Variants in GIN1 observed in about 807,000 individuals in gnomAD.
GIN1 encodes gypsy retrotransposon integrase 1.
In GIN1, 41 loss-of-function variants were observed where a neutral mutation model predicts 51.4. The observed-to-expected ratio is 0.80, with a 90% CI of 0.62 to 1.04. The LOEUF (loss-of-function observed/expected upper bound fraction) is 1.04. Among genes scored for constraint, GIN1 ranks in the 50% least tolerant of loss-of-function variants. The pLI is 0.00. For synonymous variants in GIN1, 222 were observed against 206.5 expected (o/e 1.07, Z -0.64); for missense variants, 610 against 612.4 (o/e 1.00, Z 0.04).
Position 103,106,755 on chromosome 5 carries a change from A to C in GIN1, c.294T>G (p.Asn98Lys), listed in dbSNP as rs1554196304. The C allele has an allele frequency of 6.2e-7, 1 of 1,601,212 alleles. No individual in the cohort carries two copies. The highest frequency in any genetic ancestry group is 8.5e-7 in the Non-Finnish European group (1 of 1,174,160). ...CATTGGTCACAGATGTCCAATAATA[A>C]TTGGATTCTACCAGAGTGAGGGTCC... ...ISRTLTLVES[N>K]YYWTSVTNDV... is the part of the protein sequence containing the mutation. Residue 98 changes from asparagine to lysine, a missense_variant, in exon 3 of 8, where the codon AAT becomes AAG. By Grantham distance (94) the Asn-to-Lys change is moderately conservative (BLOSUM62 0). Coordinates refer to ENST00000399004, the MANE Select transcript of GIN1 (RefSeq NM_017676.2).
At chr5:103,115,449 A>G (rs1554197296) in intron 1 of GIN1, among the ~76,000 whole-genome samples, 1 of 152,180 alleles carries the variant, frequency 6.6e-6, no homozygotes. Flanking sequence ...GATTCCACCT[A>G]TATGAGGTAG....
At chr5:103,088,261 C>A in intron 7 of GIN1, 89 bp from the exon 8 acceptor site, 1 of 699,102 alleles carries the variant, frequency 1.4e-6, no homozygotes, top group Non-Finnish European at 2.2e-6. Flanking sequence ...GAACAAAATC[C>A]CAAGTAATAA....
chr5:103,115,706 A>C (rs1788012936), intron 1 of GIN1, among the ~76,000 whole-genome samples: 1 of 152,120 alleles, frequency 6.6e-6, no homozygotes, highest in African/African-American at 2.4e-5. Context: ...GATTTACTAC[A>C]ATTAAAACAA....
intron 1 of GIN1, among the ~76,000 whole-genome samples, chr5:103,118,722 T>C (rs960261399): frequency 1.1e-5 from 1 of 88,350 alleles, no homozygotes; most frequent in Non-Finnish European, 2.9e-5. Flanking sequence ...TTGGTATTCA[T>C]ATACAAAAGT....
rs1787131645 is a variant in GIN1 at position 103,088,127 on chromosome 5, T to A, written c.1340A>T (p.Tyr447Phe). ...AATCGGAATTTCAGGCAATCCAATGTAGTCATGATCTGCCACTACTGAACC... is the reference window on the plus strand; with the variant it reads ...AATCGGAATTTCAGGCAATCCAATGAAGTCATGATCTGCCACTACTGAACC... ...LQGSVVADHD[Y>F]IGLPEIPIGA... The change falls in exon 8 of 8, where the codon TAC becomes TTC. Residue 447 changes from tyrosine (Y) to phenylalanine (F), a missense_variant. By Grantham distance (22) the Tyr-to-Phe change is conservative (BLOSUM62 3). Transcript: ENST00000399004. 2 of 1,607,966 alleles carry A rather than the reference T, an allele frequency of 1.2e-6. No homozygotes were observed. Among genetic ancestry groups the A allele is most frequent in the African/African-American group, 2.7e-5 (2 of 74,806 alleles).
intron 7 of GIN1, among the ~76,000 whole-genome samples, chr5:103,095,866 G>A (rs1252040390): frequency 1.3e-5 from 2 of 152,094 alleles, no homozygotes; most frequent in Non-Finnish European, 2.9e-5. Context: ...AGAAGTTGCA[G>A]TGAGCTGAGA....
intron 7 of GIN1, among the ~76,000 whole-genome samples, chr5:103,096,305 A>G (rs1293927950): frequency 1.3e-5 from 2 of 152,008 alleles, no homozygotes; most frequent in African/African-American, 4.8e-5. Context: ...GCGCCATTGC[A>G]CTCCAGCTTG....
intron 7 of GIN1, among the ~76,000 whole-genome samples, chr5:103,092,772 C>T (rs568381530): frequency 2.4e-4 from 37 of 151,202 alleles, no homozygotes; most frequent in African/African-American, 8.7e-4. Context: ...ATAGTAAGAC[C>T]CTGTCTCTAT....
chr5:103,106,834 T>C lies in GIN1; in HGVS notation c.215A>G (p.Lys72Arg). 2.5e-6 allele frequency: 4 copies of C among 1,603,688 alleles called. No homozygotes were observed. The highest frequency in any genetic ancestry group is 3.4e-6 in the Non-Finnish European group (4 of 1,173,894). ...ATTTTCATGGCATTCTCTTAAGACT[T>C]TCTTTTTTTCCTCTTCTGAAACAAT... Reference protein sequence around the residue: ...LVIVSEEEKKKVLRECHENDS... With the variant: ...LVIVSEEEKKRVLRECHENDS... The change falls in exon 3 of 8, where the codon AAA becomes AGA. Residue 72 changes from lysine to arginine, a missense_variant. Transcript: ENST00000399004.
chr5:103,112,335 G>C (rs1183868450), intron 1 of GIN1, among the ~76,000 whole-genome samples: 9 of 152,102 alleles, frequency 5.9e-5, no homozygotes, highest in Non-Finnish European at 1.0e-4. Context: ...AGACTTAAAG[G>C]TGTAGTTATT....
intron 1 of GIN1, among the ~76,000 whole-genome samples, chr5:103,117,135 A>T (rs782658219): frequency 6.6e-5 from 10 of 152,118 alleles, no homozygotes; most frequent in Non-Finnish European, 1.3e-4. Flanking sequence ...ACCTGAAAAC[A>T]AATGTTCATC....
chr5:103,114,669 G>A (rs554957793), intron 1 of GIN1, among the ~76,000 whole-genome samples: 2 of 152,136 alleles, frequency 1.3e-5, no homozygotes, highest in Non-Finnish European at 2.9e-5. Context: ...CCAATCTCAG[G>A]GAGAATTGTG....
Position 103,087,672 on chromosome 5 carries a change from G to A in GIN1, c.*226C>T, listed in dbSNP as rs534876161. 2 of 296,696 alleles carry A rather than the reference G, an allele frequency of 6.7e-6. No homozygotes were observed. The highest frequency in any genetic ancestry group is 5.5e-5 in the East Asian group (1 of 18,158). 18.4% of individuals were successfully genotyped at this position (296,696 alleles called of 1,614,324 possible). ...GGGTGCTTTGCCTGTTCTCTTTTTA[G>A]AAGAAAAAGTGAATTCTATATATTA... On this transcript the variant is annotated 3_prime_UTR_variant, in exon 8 of 8. Transcript: ENST00000399004.
intron 7 of GIN1, among the ~76,000 whole-genome samples, chr5:103,091,197 T>C (rs1787228094): frequency 6.6e-6 from 1 of 152,244 alleles, no homozygotes; most frequent in South Asian, 2.1e-4. Flanking sequence ...GAGACTCTTG[T>C]GGCCTTACAT....
chr5:103,106,755 A>G lies in GIN1; in HGVS notation c.294T>C (p.Asn98=). 1 of 1,601,212 alleles carries G rather than the reference A, an allele frequency of 6.2e-7. No individual in the cohort carries two copies. Among genetic ancestry groups the G allele is most frequent in the Non-Finnish European group, 8.5e-7 (1 of 1,174,160 alleles). ...CATTGGTCACAGATGTCCAATAATA[A>G]TTGGATTCTACCAGAGTGAGGGTCC... The part of the protein sequence containing the change: ...ISRTLTLVES[N]YYWTSVTNDV... The change falls in exon 3 of 8, where the codon AAT becomes AAC. Residue 98 remains asparagine, a synonymous_variant. Coordinates refer to ENST00000399004, the MANE Select transcript of GIN1 (RefSeq NM_017676.2).
intron 4 of GIN1, among the ~76,000 whole-genome samples, chr5:103,101,766 C>T (rs1401439456): frequency 2.0e-5 from 3 of 152,206 alleles, no homozygotes; most frequent in Non-Finnish European, 4.4e-5. Flanking sequence ...GTGTGACATA[C>T]ATGTCTTGTT....
rs570010718 is a variant in GIN1 at position 103,097,662 on chromosome 5, G to A, written c.759C>T (p.His253=). Residue 253 remains histidine (H), a synonymous_variant, in exon 5 of 8, where the codon CAC becomes CAT. Transcript: ENST00000399004. ...CCCAATTGTTTGGGTGGTCAGCACA[G>A]TGTTTGGAGAGAAATGCTTTGATTG... ...PNTIKAFLSK[H]CADHPNNWDD... 1.1e-5 allele frequency: 17 copies of A among 1,610,520 alleles called. No individual in the cohort carries two copies. The African/African-American group carries it at 1.2e-4, about 11-fold the overall frequency.
chr5:103,112,311 G>T (rs372856195), intron 1 of GIN1, among the ~76,000 whole-genome samples: 14 of 138,942 alleles, frequency 1.0e-4, no homozygotes, highest in Admixed American at 4.3e-4. Context: ...AGTTGTCTTG[G>T]CTCAACAGAA....
In GIN1 at chr5:103,106,840, T is replaced by A; in HGVS notation, c.209A>T (p.Lys70Ile). The A allele has an allele frequency of 6.2e-7, 1 of 1,604,212 alleles. No individual in the cohort carries two copies. Among genetic ancestry groups the A allele is most frequent in the Non-Finnish European group, 8.5e-7 (1 of 1,174,670 alleles). Reference protein sequence around the residue: ...NRLVIVSEEEKKKVLRECHEN... With the variant: ...NRLVIVSEEEIKKVLRECHEN... ...ATGGCATTCTCTTAAGACTTTCTTT[T>A]TTTCCTCTTCTGAAACAATTACCAA... Residue 70 changes from lysine (K) to isoleucine (I), a missense_variant, in exon 3 of 8, where the codon AAA becomes ATA. Lys to Ile is a moderately radical substitution (Grantham distance 102). Coordinates refer to ENST00000399004, the MANE Select transcript of GIN1 (RefSeq NM_017676.2).
Sources: gnomAD v4.1 joint callset for allele counts (sites outside exome capture counted in the v4.1 genomes callset) on GRCh38, gnomAD v4.1.1 for gene constraint, MANE v1.5 for transcripts, NCBI Gene and HGNC (gene_info 2026-07-23, HGNC 2026-07-21) for gene names.